Variants in OPRM1 observed in about 807,000 individuals in gnomAD.
OPRM1 encodes the protein opioid receptor mu 1, also known as mu-type opioid receptor.
A neutral mutation model predicts 31.8 loss-of-function variants in OPRM1; 27 were observed. That is an observed-to-expected ratio of 0.85 (90% CI 0.63 to 1.17). The LOEUF is 1.17. Among genes scored for constraint, OPRM1 ranks in the 50% most tolerant of loss-of-function variants. The pLI, the probability that OPRM1 is intolerant of heterozygous loss-of-function variation, is 0.00. For synonymous variants in OPRM1, 196 were observed against 189.9 expected, an observed-to-expected ratio of 1.03 and a Z score of -0.26; for missense variants, 536 against 511.1, an observed-to-expected ratio of 1.05 and a Z score of -0.47.
intron 3 of OPRM1, among the ~76,000 whole-genome samples, chr6:154,224,193 T>C (rs964546815): frequency 1.3e-5 from 2 of 152,226 alleles, no homozygotes; most frequent in African/African-American, 4.8e-5. Context: ...GAAAATACAA[T>C]CTTAATTTTA....
chr6:154,131,366 T>A lies in OPRM1; in HGVS notation c.*12645T>A, dbSNP rs535688931. ...TCCAGGAATAAGAATGGCAACTGAA[T>A]TGTTCCTTCTTTATTCTATAGCTTT... On this transcript the variant is annotated 3_prime_UTR_variant, in exon 4 of 4. Coordinates refer to ENST00000330432, the MANE Select transcript of OPRM1 (RefSeq NM_000914.5). Among the ~76,000 whole-genome samples, 1 of 152,232 alleles carries A rather than the reference T, an allele frequency of 6.6e-6. No homozygotes were observed. Among genetic ancestry groups the A allele is most frequent in the Non-Finnish European group, 1.5e-5 (1 of 68,036 alleles).
At chr6:154,110,908 AAG>A (rs1167440027) in intron 3 of OPRM1, among the ~76,000 whole-genome samples, 7 of 110,612 alleles carry the variant, frequency 6.3e-5, no homozygotes, top group Non-Finnish European at 1.1e-4. Flanking sequence ...AAAAAAAAAA[AAG>A]AGAGAATTAG....
At chr6:154,095,120 C>T (rs936067771) in intron 3 of OPRM1, among the ~76,000 whole-genome samples, 2 of 152,100 alleles carry the variant, frequency 1.3e-5, no homozygotes, top group Non-Finnish European at 2.9e-5. Context: ...GGTGAAACCC[C>T]GTCTCTACTA....
At chr6:154,132,611 A>G (rs116189653), downstream of OPRM1, among the ~76,000 whole-genome samples, 172 of 152,328 alleles carry the variant, frequency 1.1e-3, no homozygotes, top group African/African-American at 3.8e-3. Flanking sequence ...AACCATACAG[A>G]GAAGAAAAAT....
chr6:154,066,083 CAT>C (rs1425166252), intron 1 of OPRM1, among the ~76,000 whole-genome samples: 12 of 152,136 alleles, frequency 7.9e-5, no homozygotes, highest in Non-Finnish European at 7.4e-5. Context: ...TTGGTATTCA[CAT>C]GTTGAACCAT....
At chr6:154,229,866 GA>G (rs1779587975) in intron 3 of OPRM1, among the ~76,000 whole-genome samples, 1 of 152,188 alleles carries the variant, frequency 6.6e-6, no homozygotes, top group Admixed American at 6.5e-5. Flanking sequence ...GCCATACGAC[GA>G]AATGCTATTT....
chr6:154,145,198 A>G (rs976824864), intron 3 of OPRM1, among the ~76,000 whole-genome samples: 7 of 152,222 alleles, frequency 4.6e-5, no homozygotes, highest in African/African-American at 1.7e-4. Flanking sequence ...ACAAACCAAC[A>G]AACTTCTGTT....
intron 3 of OPRM1, among the ~76,000 whole-genome samples, chr6:154,178,641 C>A (rs1214409810): frequency 6.6e-6 from 1 of 152,054 alleles, no homozygotes; most frequent in East Asian, 1.9e-4. Context: ...GGTAACCAGA[C>A]ATGAAAACAG....
At chr6:154,060,983 T>C (rs1465338470) in intron 1 of OPRM1, among the ~76,000 whole-genome samples, 2 of 152,162 alleles carry the variant, frequency 1.3e-5, no homozygotes, top group Non-Finnish European at 2.9e-5. Context: ...TAATAAAATA[T>C]TGGCAAATAT....
chr6:154,027,835 T>C (rs1778785825), intron 1 of OPRM1, among the ~76,000 whole-genome samples: 1 of 152,170 alleles, frequency 6.6e-6, no homozygotes, highest in Non-Finnish European at 1.5e-5. Context: ...TCAGTCAGCT[T>C]GTCATGAGTG....
At chr6:154,099,452 GAGAGAA>G (rs1490870729) in intron 3 of OPRM1, among the ~76,000 whole-genome samples, 20 of 76,330 alleles carry the variant, frequency 2.6e-4, no homozygotes, top group African/African-American at 9.5e-4. Context: ...AAGAAAGAAA[GAGAGAA>G]AGAAAGAAAG....
intron 3 of OPRM1, among the ~76,000 whole-genome samples, chr6:154,231,110 G>A (rs550194209): frequency 6.6e-6 from 1 of 152,202 alleles, no homozygotes; most frequent in African/African-American, 2.4e-5. Flanking sequence ...GAGCTGAGCT[G>A]CCCATTCTCA....
intron 3 of OPRM1, among the ~76,000 whole-genome samples, chr6:154,195,126 A>G (rs1776485356): frequency 6.7e-6 from 1 of 150,274 alleles, no homozygotes; most frequent in African/African-American, 2.5e-5. Context: ...CTCTACAGCT[A>G]AAATAATTTT....
chr6:154,175,896 T>C (rs1282528178), intron 3 of OPRM1, among the ~76,000 whole-genome samples: 2 of 152,184 alleles, frequency 1.3e-5, no homozygotes, highest in African/African-American at 4.8e-5. Flanking sequence ...CCAATATCCC[T>C]GATGAACATT....
chr6:154,210,041 T>C (rs1777841035), intron 3 of OPRM1, among the ~76,000 whole-genome samples: 3 of 152,218 alleles, frequency 2.0e-5, no homozygotes, highest in Admixed American at 1.3e-4. Flanking sequence ...AAATCAAGTA[T>C]TCCCTGAACT....
chr6:154,093,367 T>C lies in OPRM1; in HGVS notation c.1164+1895T>C. ...CAAGGACCTCTTGTCAGATATGACC[T>C]CCCAGCTATCCTTCACTCGTCCTGC... On this transcript the variant is annotated intron_variant, in intron 3 of 3. Coordinates refer to ENST00000330432, the MANE Select transcript of OPRM1 (RefSeq NM_000914.5). The C allele has an allele frequency of 1.9e-6, 3 of 1,614,168 alleles. No homozygotes were observed. The East Asian group carries it at 6.7e-5, about 36-fold the overall frequency.
chr6:154,150,559 T>C (rs550356709), intron 3 of OPRM1, among the ~76,000 whole-genome samples: 13 of 152,238 alleles, frequency 8.5e-5, no homozygotes, highest in Non-Finnish European at 1.8e-4. Flanking sequence ...GGGAACCCTC[T>C]GGGTAGTTTT....
intron 3 of OPRM1, among the ~76,000 whole-genome samples, chr6:154,118,172 G>C (rs1797071412): frequency 6.6e-6 from 1 of 152,090 alleles, no homozygotes; most frequent in African/African-American, 2.4e-5. Flanking sequence ...CAGCTTTACA[G>C]TGGGGATCAG....
rs1796690804 is a variant in OPRM1 at position 154,114,778 on chromosome 6, A to C, written c.1165-3905A>C. On this transcript the variant is annotated intron_variant, in intron 3 of 3. Transcript: ENST00000330432. ...AGTTTTTTTTTTCACTGACCATACA[A>C]GGCTGCTACATTGAGATATTACATT... Among the ~76,000 whole-genome samples, 2 of 151,914 alleles carry C rather than the reference A, an allele frequency of 1.3e-5. 1 individual carries two copies. Among genetic ancestry groups the C allele is most frequent in the South Asian group, 4.1e-4 (2 of 4,822 alleles).
Sources: allele counts gnomAD v4.1 joint callset (sites outside exome capture counted in the v4.1 genomes callset), GRCh38; gene constraint gnomAD v4.1.1; transcripts MANE v1.5; gene names NCBI Gene and HGNC (gene_info 2026-07-23, HGNC 2026-07-21).